Variants in LRP1B observed in about 807,000 individuals in gnomAD.
The protein encoded by LRP1B is low-density lipoprotein receptor-related protein 1B.
Under a neutral mutation model 556.6 loss-of-function variants are expected in LRP1B, and 217 were observed. The observed-to-expected ratio is 0.39, with a 90% CI of 0.35 to 0.44. The LOEUF (loss-of-function observed/expected upper bound fraction) is 0.44. Ranked by LOEUF, LRP1B falls within the 20% of genes least tolerant of loss-of-function variation. The pLI, the probability that LRP1B is intolerant of heterozygous loss-of-function variation, is 1.00. For synonymous variants in LRP1B, 2,047 were observed against 1,865.8 expected (o/e 1.10, Z -2.50); for missense variants, 5,053 against 5,620.8 (o/e 0.90, Z 3.23).
At chr2:140,562,615 G>C (rs1011063109) in intron 43 of LRP1B, among the ~76,000 whole-genome samples, 65 of 151,750 alleles carry the variant, frequency 4.3e-4, no homozygotes, top group Middle Eastern at 6.8e-3. Context: ...TTTCTTTTCT[G>C]TTATTTATTT....
chr2:141,602,203 C>T (rs1687771785), intron 2 of LRP1B, among the ~76,000 whole-genome samples: 1 of 152,164 alleles, frequency 6.6e-6, no homozygotes, highest in South Asian at 2.1e-4. Flanking sequence ...TTCAGTGCTT[C>T]TCTCTGCAAT....
intron 1 of LRP1B, among the ~76,000 whole-genome samples, chr2:141,918,561 CTT>C (rs1184361006): frequency 4.6e-5 from 7 of 152,024 alleles, no homozygotes; most frequent in East Asian, 1.9e-4. Flanking sequence ...AAAATTCACT[CTT>C]TGTGGAATTT....
intron 1 of LRP1B, among the ~76,000 whole-genome samples, chr2:141,884,968 T>C (rs1699064755): frequency 6.6e-6 from 1 of 152,204 alleles, no homozygotes; most frequent in Non-Finnish European, 1.5e-5. Flanking sequence ...TTGATGTATT[T>C]TACAAGGTCA....
intron 11 of LRP1B, among the ~76,000 whole-genome samples, chr2:141,041,972 T>A (rs193089985): frequency 2.6e-5 from 4 of 152,184 alleles, no homozygotes; most frequent in Non-Finnish European, 5.9e-5. Flanking sequence ...GAGGTAAGAA[T>A]CAAAGGTTCT....
chr2:141,008,465 T>C (rs780118326), intron 14 of LRP1B, among the ~76,000 whole-genome samples: 7 of 151,234 alleles, frequency 4.6e-5, no homozygotes, highest in Non-Finnish European at 1.5e-5. Context: ...TACTCCAAAA[T>C]TGTGCTCTCA....
rs1385405747 is a variant in LRP1B at position 140,356,387 on chromosome 2, A to C, written c.11485T>G (p.Cys3829Gly). Residue 3829 changes from cysteine to glycine, a missense_variant, in exon 75 of 91, where the codon TGT (cysteine) becomes GGT (glycine). By Grantham distance (159) the Cys-to-Gly change is radical. Transcript: ENST00000389484. ...NQIKTSVFCR[C>G]KPGFQRNMKN... The stretch of plus-strand genomic sequence containing the variant: ...ATGTTTCTCTGAAATCCAGGCTTAC[A>C]GCGACAGAAAACAGATGTTTTTATT... The C allele has an allele frequency of 6.2e-7, 1 of 1,611,150 alleles. No individual in the cohort carries two copies. The highest frequency in any genetic ancestry group is 1.7e-5 in the Admixed American group (1 of 59,858).
chr2:140,909,446 A>G (rs948664313), intron 21 of LRP1B, among the ~76,000 whole-genome samples: 4 of 151,810 alleles, frequency 2.6e-5, no homozygotes, highest in African/African-American at 7.2e-5. Context: ...TCACACTATT[A>G]TGTCAAATAA....
At chr2:141,212,845 T>C (rs1167046299) in intron 6 of LRP1B, among the ~76,000 whole-genome samples, 2 of 152,118 alleles carry the variant, frequency 1.3e-5, no homozygotes, top group African/African-American at 2.4e-5. Context: ...TTAAGCCAAA[T>C]GTTGACGTAT....
intron 77 of LRP1B, among the ~76,000 whole-genome samples, chr2:140,342,837 T>TAAAAG (rs778838401): frequency 1.2e-4 from 18 of 151,488 alleles, no homozygotes; most frequent in Non-Finnish European, 2.2e-4. Flanking sequence ...GTAAAAGTAT[T>TAAAAG]AAAAGAAAGA....
intron 2 of LRP1B, among the ~76,000 whole-genome samples, chr2:141,491,653 A>G (rs531895870): frequency 4.6e-5 from 7 of 152,248 alleles, no homozygotes; most frequent in Middle Eastern, 3.4e-3. Flanking sequence ...CACAACTCTC[A>G]GAGGAAAGGG....
At chr2:141,464,362 T>G (rs1313136509) in intron 3 of LRP1B, among the ~76,000 whole-genome samples, 1 of 151,966 alleles carries the variant, frequency 6.6e-6, no homozygotes, top group Non-Finnish European at 1.5e-5. Context: ...TTAGAACAAA[T>G]TGGAATGTGT....
chr2:140,593,213 T>C (rs1283867769), intron 43 of LRP1B, among the ~76,000 whole-genome samples: 2 of 152,154 alleles, frequency 1.3e-5, no homozygotes, highest in Non-Finnish European at 2.9e-5. Context: ...CCTTAAACAA[T>C]CTTGGATTCA....
At chr2:140,996,124 G>C (rs1697238388) in intron 15 of LRP1B, among the ~76,000 whole-genome samples, 1 of 151,676 alleles carries the variant, frequency 6.6e-6, no homozygotes, top group Non-Finnish European at 1.5e-5. Flanking sequence ...TTGCAATCAG[G>C]GTAAAATCTT....
Position 140,716,110 on chromosome 2 carries a change from A to G in LRP1B, c.5894-8T>C. 6.3e-7 allele frequency: 1 copy of G among 1,576,966 alleles called. No homozygotes were observed. Among genetic ancestry groups the G allele is most frequent in the Non-Finnish European group, 8.7e-7 (1 of 1,155,380 alleles). On this transcript the variant is annotated splice_polypyrimidine_tract_variant and splice_region_variant and intron_variant, in intron 36 of 90. Coordinates refer to ENST00000389484, the MANE Select transcript of LRP1B (RefSeq NM_018557.3). Reference sequence around the variant, plus strand: ...CTGTCCAATATATGTTACCTAGGAGAAATAATAGAGGTGTTTATAATACAG... The same window carrying G: ...CTGTCCAATATATGTTACCTAGGAGGAATAATAGAGGTGTTTATAATACAG...
intron 3 of LRP1B, among the ~76,000 whole-genome samples, chr2:141,347,251 T>A (rs1374073386): frequency 2.0e-5 from 3 of 152,054 alleles, no homozygotes; most frequent in Admixed American, 1.3e-4. Context: ...GGTATAAAAA[T>A]TTTCCAGTTT....
At chr2:141,584,341 T>G (rs1447020295) in intron 2 of LRP1B, among the ~76,000 whole-genome samples, 1 of 152,022 alleles carries the variant, frequency 6.6e-6, no homozygotes, top group Non-Finnish European at 1.5e-5. Flanking sequence ...AGAAGTGAGA[T>G]GAGAGAGCCT....
At chr2:141,867,767 G>T (rs1363602700) in intron 1 of LRP1B, among the ~76,000 whole-genome samples, 1 of 152,128 alleles carries the variant, frequency 6.6e-6, no homozygotes, top group East Asian at 1.9e-4. Flanking sequence ...GGCATGAAAT[G>T]TAACACGGTA....
intron 1 of LRP1B, among the ~76,000 whole-genome samples, chr2:141,867,020 AT>A (rs1392631929): frequency 6.6e-6 from 1 of 152,122 alleles, no homozygotes; most frequent in African/African-American, 2.4e-5. Context: ...CCATTAGTCT[AT>A]TTAGGTCAAC....
intron 2 of LRP1B, among the ~76,000 whole-genome samples, chr2:141,712,378 T>TAA (rs112476346): frequency 1.0e-3 from 155 of 150,068 alleles, no homozygotes; most frequent in African/African-American, 3.6e-3. Context: ...AGACCCTGTC[T>TAA]AAAAAAAAAC....
Sources: gnomAD v4.1 joint callset for allele counts (sites outside exome capture counted in the v4.1 genomes callset) on GRCh38, gnomAD v4.1.1 for gene constraint, MANE v1.5 for transcripts, NCBI Gene and HGNC (gene_info 2026-07-23, HGNC 2026-07-21) for gene names.